STK3: variants seen among roughly 807,000 people sequenced by gnomAD.
The protein encoded by STK3 is serine/threonine kinase 3, also known as serine/threonine-protein kinase 3.
STK3 carries 41 observed loss-of-function variants against 58.0 expected under a neutral mutation model. The ratio of observed to expected loss-of-function variants is 0.71; its 90% CI spans 0.55 to 0.92. STK3 has a LOEUF of 0.92. Ranked by LOEUF, STK3 falls within the 40% of genes least tolerant of loss-of-function variation. The pLI is 0.00. For missense variants in STK3, 479 were observed against 602.7 expected (o/e 0.79, Z 2.15); for synonymous variants, 170 against 191.0 (o/e 0.89, Z 0.91).
intron 10 of STK3, among the ~76,000 whole-genome samples, chr8:98,501,484 C>T (rs1469174629): frequency 1.3e-5 from 2 of 152,166 alleles, no homozygotes; most frequent in Non-Finnish European, 2.9e-5. Flanking sequence ...TTGCCCATGC[C>T]TATGTCCTGA....
intron 6 of STK3, among the ~76,000 whole-genome samples, chr8:98,650,831 G>T (rs1025194779): frequency 1.3e-5 from 2 of 152,232 alleles, no homozygotes; most frequent in Non-Finnish European, 2.9e-5. Flanking sequence ...AAACAAAGCA[G>T]CCAGGAAGCT....
At chr8:98,359,235 C>T in the STK3 span, among the ~76,000 whole-genome samples, 2 of 149,122 alleles carry the variant, frequency 1.3e-5, no homozygotes, top group African/African-American at 2.5e-5. Context: ...GTGCCGGGCG[C>T]GGTGGCTCAC....
intron 6 of STK3, among the ~76,000 whole-genome samples, chr8:98,705,240 G>A (rs1397335456): frequency 6.6e-6 from 1 of 151,952 alleles, no homozygotes; most frequent in Non-Finnish European, 1.5e-5. Flanking sequence ...GGGCAACATG[G>A]CGACACCTTG....
chr8:98,598,018 A>C (rs1815981377), intron 6 of STK3: 1 of 985,284 alleles, frequency 1.0e-6, no homozygotes, highest in South Asian at 4.7e-5. Context: ...GCTACTTCCA[A>C]CTAGAGAATA....
the STK3 span, among the ~76,000 whole-genome samples, chr8:98,355,470 G>A: frequency 6.6e-6 from 1 of 152,200 alleles, no homozygotes; most frequent in Non-Finnish European, 1.5e-5. Flanking sequence ...ACATTCCTCT[G>A]ATCCAATAAA....
intron 6 of STK3, among the ~76,000 whole-genome samples, chr8:98,649,114 A>G (rs1484929734): frequency 6.6e-6 from 1 of 152,052 alleles, no homozygotes; most frequent in Non-Finnish European, 1.5e-5. Flanking sequence ...AGTACTATTA[A>G]TCATCTTCCT....
Position 98,427,814 on chromosome 8 carries a change from C to T in STK3, n.483+6313G>A. On this transcript the variant is annotated intron_variant and non_coding_transcript_variant, in intron 3 of 3. Transcript: ENST00000517832. ...GGGATCAGACCCCTCAAACTCTTGC[C>T]CCAGCCCAGCCCTTCAGCACCCAAG... The T allele has an allele frequency of 2.8e-5, 17 of 604,376 alleles. 2 individuals are homozygous for T. In the South Asian group the frequency reaches 3.5e-4, roughly 13 times the overall value. 37.4% of individuals were successfully genotyped at this position (604,376 alleles called of 1,614,324 possible).
intron 6 of STK3, among the ~76,000 whole-genome samples, chr8:98,666,935 C>T (rs1344462173): frequency 6.6e-6 from 1 of 152,062 alleles, no homozygotes; most frequent in Non-Finnish European, 1.5e-5. Flanking sequence ...AACCTTAATT[C>T]GTATATCTTG....
intron 6 of STK3, among the ~76,000 whole-genome samples, chr8:98,663,732 G>T (rs1427689636): frequency 6.6e-6 from 1 of 152,150 alleles, no homozygotes; most frequent in African/African-American, 2.4e-5. Context: ...GGACATGGAT[G>T]AAGCTGGAAA....
At chr8:98,798,925 C>T (rs1458167611) in intron 1 of STK3, among the ~76,000 whole-genome samples, 1 of 152,214 alleles carries the variant, frequency 6.6e-6, no homozygotes, top group African/African-American at 2.4e-5. Context: ...GAAAACACAG[C>T]ATTCCTCACC....
At chr8:98,522,197 T>G (rs1332765509) in intron 10 of STK3, among the ~76,000 whole-genome samples, 1 of 152,162 alleles carries the variant, frequency 6.6e-6, no homozygotes, top group African/African-American at 2.4e-5. Context: ...AGACAGACAG[T>G]AGAAGGCTAC....
the STK3 span, among the ~76,000 whole-genome samples, chr8:98,345,553 C>T: frequency 1.5e-4 from 23 of 151,890 alleles, no homozygotes; most frequent in Admixed American, 1.5e-3. Context: ...AAAGAGCCAC[C>T]TAAAGGCTGG....
chr8:98,719,502 A>G (rs930058033), intron 4 of STK3, among the ~76,000 whole-genome samples: 1 of 152,210 alleles, frequency 6.6e-6, no homozygotes. Flanking sequence ...TTAATGCTAT[A>G]AAGCCACTGG....
Position 98,939,955 on chromosome 8 carries a change from A to C in STK3, c.-79+2423T>G, listed in dbSNP as rs1840344755. 2.0e-5 allele frequency among the ~76,000 whole-genome samples: 3 copies of C among 152,334 alleles called. No individual in the cohort carries two copies. The South Asian group carries it at 6.2e-4, about 32-fold the overall frequency. On this transcript the variant is annotated intron_variant, in intron 1 of 1. Transcript: ENST00000519420. ...AAACCTGGTCTTCCTTGTCACGGAC[A>C]CTGAAGCGCTTGGTTCGAAAAGCAC... is the stretch of plus-strand genomic sequence containing the variant.
chr8:98,710,527 T>C (rs973048243), intron 4 of STK3, among the ~76,000 whole-genome samples: 8 of 152,162 alleles, frequency 5.3e-5, no homozygotes, highest in Admixed American at 5.2e-4. Flanking sequence ...CCTACACCCA[T>C]GGAGCCTCGC....
intron 10 of STK3, among the ~76,000 whole-genome samples, chr8:98,486,821 C>T (rs1006846494): frequency 4.6e-5 from 7 of 152,022 alleles, no homozygotes; most frequent in African/African-American, 1.7e-4. Context: ...TTCCAGGTGT[C>T]GTTTAGTAGA....
At chr8:98,589,714 G>C (rs1563775974) in intron 7 of STK3, among the ~76,000 whole-genome samples, 2 of 152,238 alleles carry the variant, frequency 1.3e-5, no homozygotes, top group African/African-American at 2.4e-5. Context: ...CTGCCTTGCA[G>C]TTTGATCTCA....
At chr8:98,728,921 A>G (rs564597655) in intron 4 of STK3, among the ~76,000 whole-genome samples, 4 of 152,334 alleles carry the variant, frequency 2.6e-5, no homozygotes, top group Admixed American at 2.0e-4. Context: ...CCAAGAAAAA[A>G]AAGTTTGAAG....
chr8:98,511,192 T>A (rs1002739334), intron 10 of STK3, among the ~76,000 whole-genome samples: 19 of 152,092 alleles, frequency 1.2e-4, no homozygotes, highest in African/African-American at 3.1e-4. Flanking sequence ...AATAAATGAA[T>A]AAAATCTATT....
Sources: allele counts gnomAD v4.1 joint callset (sites outside exome capture counted in the v4.1 genomes callset), GRCh38; gene constraint gnomAD v4.1.1; transcripts MANE v1.5; gene names NCBI Gene and HGNC (gene_info 2026-07-23, HGNC 2026-07-21).